PINX1: variants seen among roughly 807,000 people sequenced by gnomAD.
The protein encoded by PINX1 is PIN2 (TERF1) interacting telomerase inhibitor 1, also known as PIN2/TERF1-interacting telomerase inhibitor 1.
Under a neutral mutation model 25.4 loss-of-function variants are expected in PINX1, and 34 were observed. The ratio of observed to expected loss-of-function variants is 1.34; its 90% CI spans 1.02 to 1.78. PINX1 has a LOEUF of 1.78. PINX1 is among the 40% of genes most tolerant of loss of function. PINX1 has a pLI of 0.00. For missense variants in PINX1, 592 were observed against 404.9 expected, an observed-to-expected ratio of 1.46 and a Z score of -3.97; for synonymous variants, 197 against 147.7, an observed-to-expected ratio of 1.33 and a Z score of -2.42.
At chr8:10,837,059 G>T (rs879265619) in intron 1 of PINX1, among the ~76,000 whole-genome samples, 1 of 152,190 alleles carries the variant, frequency 6.6e-6, no homozygotes, top group African/African-American at 2.4e-5. Flanking sequence ...CCTTTGAAAG[G>T]CCTGTTCATA....
intron 6 of PINX1, chr8:10,771,198 T>G (rs6601520): frequency 0.26 from 39,006 of 152,166 alleles, 5,094 homozygotes; most frequent in Middle Eastern, 0.34. Context: ...CCTTCAGGTA[T>G]GAAGTGACTG....
intron 6 of PINX1, among the ~76,000 whole-genome samples, chr8:10,792,028 T>G (rs1177812605): frequency 6.6e-6 from 1 of 152,146 alleles, no homozygotes; most frequent in African/African-American, 2.4e-5. Context: ...GCCCCCTCTC[T>G]CCCGCTCAGG....
chr8:10,835,059 G>C (rs999929010), intron 1 of PINX1, among the ~76,000 whole-genome samples: 1 of 152,096 alleles, frequency 6.6e-6, no homozygotes, highest in Non-Finnish European at 1.5e-5. Flanking sequence ...ACTAGAGCTG[G>C]GCCTTCCATA....
chr8:10,814,449 C>G (rs931261200), intron 6 of PINX1, among the ~76,000 whole-genome samples: 2 of 152,166 alleles, frequency 1.3e-5, no homozygotes, highest in African/African-American at 4.8e-5. Flanking sequence ...GCTTTATCTT[C>G]TGAGCAATGA....
chr8:10,809,715 G>A (rs1225057089), intron 6 of PINX1, among the ~76,000 whole-genome samples: 1 of 152,174 alleles, frequency 6.6e-6, no homozygotes, highest in Non-Finnish European at 1.5e-5. Flanking sequence ...TCTTCAACAT[G>A]TCCACTGACA....
intron 6 of PINX1, among the ~76,000 whole-genome samples, chr8:10,793,289 T>C (rs1801981890): frequency 6.6e-6 from 1 of 152,190 alleles, no homozygotes; most frequent in African/African-American, 2.4e-5. Context: ...TATTGACAAG[T>C]TCTTCTGAGC....
chr8:10,768,553 C>T (rs1056265796), intron 6 of PINX1, among the ~76,000 whole-genome samples: 3 of 152,156 alleles, frequency 2.0e-5, no homozygotes, highest in East Asian at 1.9e-4. Flanking sequence ...TGGAGACAGG[C>T]TAGAGAGGGG....
At chr8:10,797,760 T>C (rs1563216640) in intron 6 of PINX1, among the ~76,000 whole-genome samples, 1 of 152,190 alleles carries the variant, frequency 6.6e-6, no homozygotes, top group East Asian at 1.9e-4. Flanking sequence ...CAGCTTATTT[T>C]CAGTCACAGA....
chr8:10,782,176 G>A (rs960193001), intron 6 of PINX1, among the ~76,000 whole-genome samples: 12 of 152,130 alleles, frequency 7.9e-5, no homozygotes, highest in African/African-American at 2.4e-4. Flanking sequence ...CAGGGTGGGG[G>A]ATAGAAATGG....
intron 6 of PINX1, among the ~76,000 whole-genome samples, chr8:10,770,526 C>T (rs1427912126): frequency 2.0e-5 from 3 of 152,220 alleles, no homozygotes; most frequent in Admixed American, 2.0e-4. Flanking sequence ...GATCCTCCAT[C>T]TGGAGACTCT....
chr8:10,826,040 C>A (rs917921256), intron 5 of PINX1, 112 bp downstream of exon 5: 2 of 617,440 alleles, frequency 3.2e-6, no homozygotes, highest in South Asian at 2.1e-5. Context: ...GCAATGCAGT[C>A]GGAGCTGTCC....
chr8:10,765,792 C>A lies in PINX1; in HGVS notation c.596G>T (p.Gly199Val), dbSNP rs1801019920. The A allele has an allele frequency of 5.0e-6, 8 of 1,613,902 alleles. No homozygotes were observed. Among genetic ancestry groups the A allele is most frequent in the Non-Finnish European group, 6.8e-6 (8 of 1,179,894 alleles). ...CACCTGCGTCTCAGAAATGTCAGAC[C>A]CTGGAACTGGAACCTGGGGCTTGTT... is the stretch of plus-strand genomic sequence containing the variant. The part of the protein sequence containing the change: ...LKNKPQVPVP[G>V]SDISETQVER... Residue 199 changes from glycine (G) to valine (V), a missense_variant, in exon 7 of 7, where the codon GGG becomes GTG. Transcript: ENST00000314787.
chr8:10,811,756 C>A (rs1226870034), intron 6 of PINX1, among the ~76,000 whole-genome samples: 1 of 152,172 alleles, frequency 6.6e-6, no homozygotes, highest in Non-Finnish European at 1.5e-5. Flanking sequence ...TAGCTTGGGG[C>A]TCGGGGCAGC....
intron 5 of PINX1, among the ~76,000 whole-genome samples, chr8:10,824,375 T>G (rs996338122): frequency 1.3e-5 from 2 of 152,194 alleles, no homozygotes; most frequent in African/African-American, 4.8e-5. Context: ...TCCTTCTCCC[T>G]TTCCTACGTA....
intron 6 of PINX1, among the ~76,000 whole-genome samples, chr8:10,788,184 C>A (rs902685677): frequency 1.3e-5 from 2 of 152,144 alleles, no homozygotes; most frequent in African/African-American, 2.4e-5. Context: ...CATTGTTAAG[C>A]TGGGTACTGG....
chr8:10,779,330 C>T (rs1441788251), intron 6 of PINX1, among the ~76,000 whole-genome samples: 1 of 152,150 alleles, frequency 6.6e-6, no homozygotes, highest in East Asian at 1.9e-4. Context: ...ATATGGAACA[C>T]AGAAGTCAAT....
At chr8:10,835,854 T>C (rs767431956) in intron 1 of PINX1, among the ~76,000 whole-genome samples, 5 of 152,106 alleles carry the variant, frequency 3.3e-5, no homozygotes, top group Non-Finnish European at 7.4e-5. Context: ...TTGAATCTCA[T>C]CAAAGCAACT....
intron 6 of PINX1, among the ~76,000 whole-genome samples, chr8:10,786,766 G>C (rs1378987207): frequency 1.3e-5 from 2 of 152,098 alleles, no homozygotes; most frequent in South Asian, 2.1e-4. Context: ...CCAGAAAGCA[G>C]TCCTGAAAGC....
chr8:10,827,398 T>C (rs1343951444), intron 4 of PINX1, among the ~76,000 whole-genome samples: 1 of 151,912 alleles, frequency 6.6e-6, no homozygotes, highest in East Asian at 1.9e-4. Context: ...GAAGGGAAAA[T>C]GTGAGCCAGA....
Sources: allele counts gnomAD v4.1 joint callset (sites outside exome capture counted in the v4.1 genomes callset), GRCh38; gene constraint gnomAD v4.1.1; transcripts MANE v1.5; gene names NCBI Gene and HGNC (gene_info 2026-07-23, HGNC 2026-07-21).